Variants in CIP2A observed in about 807,000 individuals in gnomAD.
CIP2A encodes the protein cellular inhibitor of PP2A, also known as protein CIP2A.
Under a neutral mutation model 110.9 loss-of-function variants are expected in CIP2A, and 103 were observed. The ratio of observed to expected loss-of-function variants is 0.93; its 90% CI spans 0.79 to 1.09. The LOEUF is 1.09. CIP2A is among the 50% of genes least tolerant of loss of function. The pLI is 0.00. For missense variants in CIP2A, 1,088 were observed against 1,038.4 expected (o/e 1.05, Z -0.66); for synonymous variants, 381 against 361.6 (o/e 1.05, Z -0.61).
At chr3:108,557,088 G>T (rs921156447) in intron 17 of CIP2A, 130 bp downstream of exon 17, 1 of 511,510 alleles carries the variant, frequency 2.0e-6, no homozygotes, top group East Asian at 2.9e-5. Flanking sequence ...TAAGTTTCTT[G>T]CTAATTACTT....
chr3:108,557,893 T>C (rs535421062), intron 16 of CIP2A, among the ~76,000 whole-genome samples: 1 of 152,264 alleles, frequency 6.6e-6, no homozygotes, highest in Non-Finnish European at 1.5e-5. Context: ...GTATTTATTA[T>C]GTGATATGAA....
chr3:108,559,888 A>G (rs1239944221), intron 15 of CIP2A, 21 bp from the exon 16 acceptor site: 5 of 1,594,984 alleles, frequency 3.1e-6, no homozygotes, highest in Admixed American at 3.4e-5. Context: ...ACATATCATT[A>G]ATTTTCATTT....
intron 20 of CIP2A, 116 bp from the exon 21 acceptor site, chr3:108,551,435 A>C (rs2083897596): frequency 3.1e-6 from 2 of 639,354 alleles, no homozygotes; most frequent in Non-Finnish European, 4.9e-6. Flanking sequence ...AACCATTTCA[A>C]GACATACTAT....
At chr3:108,577,276 A>G (rs1215048423) in intron 7 of CIP2A, among the ~76,000 whole-genome samples, 9 of 152,176 alleles carry the variant, frequency 5.9e-5, no homozygotes, top group African/African-American at 2.2e-4. Flanking sequence ...GGTAGGTCAA[A>G]GATTTTAAAA....
chr3:108,569,356 G>GT, intron 9 of CIP2A, 33 bp downstream of exon 9: 13 of 1,495,730 alleles, frequency 8.7e-6, no homozygotes, highest in Non-Finnish European at 1.1e-5. Flanking sequence ...AGTCACAAAA[G>GT]TAGAAAAGTC....
In CIP2A at chr3:108,551,323, A is replaced by T. The variant is rs1427998146; in HGVS notation, c.2548-4T>A. On this transcript the variant is annotated splice_region_variant and splice_polypyrimidine_tract_variant and intron_variant, in intron 20 of 20. Transcript: ENST00000295746. ...TTTGAACCTCTAGGGAGGAAGCCTAAGGAATTGGGGTTGGGGGAGGAGGAA... is the reference window on the plus strand; with the variant it reads ...TTTGAACCTCTAGGGAGGAAGCCTATGGAATTGGGGTTGGGGGAGGAGGAA... 2 of 1,602,564 alleles carry T rather than the reference A, an allele frequency of 1.2e-6. No homozygotes were observed. Among genetic ancestry groups the T allele is most frequent in the African/African-American group, 1.3e-5 (1 of 74,582 alleles).
rs1027210893 is a variant in CIP2A at position 108,582,601 on chromosome 3, T to G, written c.357+376A>C. ...AATATGAAGAGCTTTGAATCTATATTAAATAGACTCTATCTACAGCTTTAA... is the reference window on the plus strand; with the variant it reads ...AATATGAAGAGCTTTGAATCTATATGAAATAGACTCTATCTACAGCTTTAA... On this transcript the variant is annotated intron_variant, in intron 3 of 20. Transcript: ENST00000295746. Among the ~76,000 whole-genome samples the G allele has an allele frequency of 2.6e-5, 4 of 152,354 alleles. No homozygotes were observed. In the East Asian group the frequency reaches 7.7e-4, roughly 29 times the overall value.
At chr3:108,574,329 A>C (rs1938495700) in intron 8 of CIP2A, among the ~76,000 whole-genome samples, 1 of 152,228 alleles carries the variant, frequency 6.6e-6, no homozygotes, top group Non-Finnish European at 1.5e-5. Context: ...AGAATTGCTA[A>C]AATGAAAAAG....
At chr3:108,559,234 A>AG (rs1300495938) in intron 16 of CIP2A, among the ~76,000 whole-genome samples, 1 of 152,164 alleles carries the variant, frequency 6.6e-6, no homozygotes. Flanking sequence ...TAATTATAGG[A>AG]GGTAAAAACT....
chr3:108,559,897 T>C, intron 15 of CIP2A, 30 bp from the exon 16 acceptor site: 1 of 1,587,184 alleles, frequency 6.3e-7, no homozygotes, highest in Non-Finnish European at 8.6e-7. Context: ...TAATTTTCAT[T>C]TTAGGAATAC....
rs1320412299 is a variant in CIP2A, at chr3:108,568,200, T to C, written c.1228A>G (p.Arg410Gly). The change falls in exon 10 of 21, where the codon AGA becomes GGA. Residue 410 changes from arginine to glycine, a missense_variant. By Grantham distance (125) the Arg-to-Gly change is moderately radical (BLOSUM62 -2). Coordinates refer to ENST00000295746, the MANE Select transcript of CIP2A (RefSeq NM_020890.3). ...TEQNLDEALTRKKCERIAKAI... is the reference protein window; with the variant it reads ...TEQNLDEALTGKKCERIAKAI... Reference sequence around the variant, plus strand: ...TTGGCAATCCTTTCACATTTTTTTCTTGTTAAAGCCTCATCTAGATTTTGT... The same window carrying C: ...TTGGCAATCCTTTCACATTTTTTTCCTGTTAAAGCCTCATCTAGATTTTGT... The C allele has an allele frequency of 3.7e-6, 6 of 1,612,294 alleles. No homozygotes were observed. Among genetic ancestry groups the C allele is most frequent in the Admixed American group, 3.3e-5 (2 of 59,870 alleles).
chr3:108,588,892 G>A (rs576942197), intron 1 of CIP2A, among the ~76,000 whole-genome samples: 1 of 152,174 alleles, frequency 6.6e-6, no homozygotes, highest in African/African-American at 2.4e-5. Context: ...ATTACCGAAG[G>A]GCAAAACCAA....
intron 10 of CIP2A, among the ~76,000 whole-genome samples, chr3:108,567,066 A>G (rs1938213903): frequency 6.6e-6 from 1 of 151,812 alleles, no homozygotes; most frequent in South Asian, 2.1e-4. Context: ...AGGTCAAGCA[A>G]TCATGTATCC....
chr3:108,554,338 A>C, intron 18 of CIP2A, 38 bp downstream of exon 18: 1 of 830,036 alleles, frequency 1.2e-6, no homozygotes, highest in Non-Finnish European at 1.9e-6. Flanking sequence ...GTTTTTGAAA[A>C]ATCCCACATA....
chr3:108,585,189 T>C lies in CIP2A; in HGVS notation c.126A>G (p.Thr42=). ...HLEVISGQKL[T]RLFTSNQILT... ...ATATCTGATTTGATGTAAATAGTCG[T>C]GTGAGTTTCTGTCCAGAAATTACCT... The change falls in exon 2 of 21, where the codon ACA becomes ACG. Residue 42 remains threonine (T), a synonymous_variant. Transcript: ENST00000295746. The C allele has an allele frequency of 6.2e-7, 1 of 1,610,100 alleles. No homozygotes were observed. Among genetic ancestry groups the C allele is most frequent in the Non-Finnish European group, 8.5e-7 (1 of 1,178,088 alleles).
intron 12 of CIP2A, among the ~76,000 whole-genome samples, chr3:108,563,687 A>G (rs1938084813): frequency 6.6e-6 from 1 of 152,126 alleles, no homozygotes; most frequent in Admixed American, 6.6e-5. Context: ...TCGAAAAAAT[A>G]CAGTTACTTC....
intron 13 of CIP2A, 22 bp from the exon 14 acceptor site, chr3:108,560,863 G>GAAAAA: frequency 6.8e-7 from 1 of 1,463,028 alleles, no homozygotes; most frequent in Non-Finnish European, 9.1e-7. Context: ...TCAAAGAAAG[G>GAAAAA]AAAAAAAAAT....
intron 6 of CIP2A, 54 bp from the exon 7 acceptor site, chr3:108,579,480 C>T: frequency 1.3e-6 from 2 of 1,556,702 alleles, no homozygotes; most frequent in Admixed American, 2.0e-5. Context: ...TTGACACCAT[C>T]CTAAAAGGTA....
chr3:108,580,879 G>A (rs1047625231), intron 5 of CIP2A, among the ~76,000 whole-genome samples: 3 of 152,084 alleles, frequency 2.0e-5, no homozygotes, highest in African/African-American at 7.2e-5. Flanking sequence ...GCCTGCCTTG[G>A]CCTCCAAAGT....
Sources: gnomAD v4.1 joint callset for allele counts (sites outside exome capture counted in the v4.1 genomes callset) on GRCh38, gnomAD v4.1.1 for gene constraint, MANE v1.5 for transcripts, NCBI Gene and HGNC (gene_info 2026-07-23, HGNC 2026-07-21) for gene names.